The following TAFA2 variants were observed in gnomAD, a reference collection of about 807,000 sequenced individuals.
TAFA2 encodes TAFA chemokine like family member 2, also known as chemokine-like protein TAFA-2.
TAFA2 carries 7 observed loss-of-function variants against 18.8 expected under a neutral mutation model. The observed-to-expected ratio is 0.37, with a 90% confidence interval of 0.21 to 0.70. The LOEUF (loss-of-function observed/expected upper bound fraction) is 0.70. Among genes scored for constraint, TAFA2 ranks in the 30% least tolerant of loss-of-function variants. The probability of loss-of-function intolerance (pLI) is 0.53; values close to 1 mark genes in which losing one functional copy is unlikely to be tolerated. For synonymous variants in TAFA2, 60 were observed against 54.2 expected (o/e 1.11, Z -0.47); for missense variants, 122 against 158.1 (o/e 0.77, Z 1.23).
At chr12:62,126,482 A>T (rs1356359571) in intron 1 of TAFA2, among the ~76,000 whole-genome samples, 2 of 152,114 alleles carry the variant, frequency 1.3e-5, no homozygotes, top group African/African-American at 2.4e-5. Context: ...TTGTTTTCTC[A>T]CTAGGATAAT....
intron 1 of TAFA2, among the ~76,000 whole-genome samples, chr12:62,223,187 T>C (rs1197534171): frequency 2.6e-5 from 4 of 152,204 alleles, no homozygotes; most frequent in African/African-American, 4.8e-5. Flanking sequence ...ATGATTTATT[T>C]TGAGACAGGG....
chr12:61,975,535 G>GTGTGTGTGTGTGTA (rs1879401624), intron 1 of TAFA2, among the ~76,000 whole-genome samples: 1 of 151,430 alleles, frequency 6.6e-6, no homozygotes, highest in South Asian at 2.1e-4. Context: ...GTGTGTGTGT[G>GTGTGTGTGTGTGTA]TGTGTGTGTA....
chr12:61,990,430 C>G (rs1879966337), intron 1 of TAFA2, among the ~76,000 whole-genome samples: 1 of 146,816 alleles, frequency 6.8e-6, no homozygotes, highest in Admixed American at 7.0e-5. Context: ...AGCTCTGCCT[C>G]CCGGGTTCAC....
At chr12:61,974,415 G>A (rs1879359123) in intron 1 of TAFA2, among the ~76,000 whole-genome samples, 1 of 151,740 alleles carries the variant, frequency 6.6e-6, no homozygotes, top group Non-Finnish European at 1.5e-5. Flanking sequence ...AGTTCAGCAT[G>A]AATAAAATGT....
intron 1 of TAFA2, among the ~76,000 whole-genome samples, chr12:61,920,862 A>T (rs1176660668): frequency 1.3e-5 from 2 of 152,106 alleles, no homozygotes; most frequent in East Asian, 3.8e-4. Flanking sequence ...GAGAAAAAAA[A>T]AAGGAACAAG....
chr12:61,796,360 T>C (rs1871189945), intron 2 of TAFA2, among the ~76,000 whole-genome samples: 1 of 152,162 alleles, frequency 6.6e-6, no homozygotes, highest in South Asian at 2.1e-4. Context: ...ATGAACTATT[T>C]ATATTAGCAA....
rs12815221 is a variant in TAFA2, at chr12:61,847,000, T to G, written c.106+20320A>C. Among the ~76,000 whole-genome samples the G allele has an allele frequency of 1.5e-3, 221 of 152,110 alleles. 4 individuals are homozygous for G. The highest frequency in any genetic ancestry group is 5.1e-3 in the African/African-American group (212 of 41,508). On this transcript the variant is annotated intron_variant, in intron 2 of 4. Coordinates refer to ENST00000416284, the MANE Select transcript of TAFA2 (RefSeq NM_178539.5). Reference sequence around the variant, plus strand: ...CCCACACAGGTTCCTCATTCTTCTCTTAGCTGCCCTCCAACCAACTACACT... The same window carrying G: ...CCCACACAGGTTCCTCATTCTTCTCGTAGCTGCCCTCCAACCAACTACACT...
In TAFA2 at chr12:61,970,844, GA is replaced by G. The variant is rs200263425; in HGVS notation, c.-1-103419del. On this transcript the variant is annotated intron_variant, in intron 1 of 4. Transcript: ENST00000416284. ...AAATTCGAAAAGCATTTTAAGAAAT[GA>G]AAAAAAAAAAATACCTGGTCCTCAA... 3.4e-3 allele frequency among the ~76,000 whole-genome samples: 454 copies of G among 134,842 alleles called. 2 individuals are homozygous for G. Among genetic ancestry groups the G allele is most frequent in the African/African-American group, 8.4e-3 (311 of 37,138 alleles). The allele number at this position is 134,842 out of a possible 152,430, so 88.5% of individuals were successfully genotyped here. A position where few individuals can be genotyped will look rare whatever the true frequency, so the allele number is the denominator to read the frequency against.
chr12:62,002,165 G>A (rs530895531), intron 1 of TAFA2, among the ~76,000 whole-genome samples: 23 of 152,080 alleles, frequency 1.5e-4, no homozygotes, highest in Non-Finnish European at 2.6e-4. Context: ...GTTTCACTGC[G>A]TTTTCATATA....
chr12:62,200,436 G>T (rs754492765), intron 1 of TAFA2, among the ~76,000 whole-genome samples: 1 of 150,268 alleles, frequency 6.7e-6, no homozygotes, highest in South Asian at 2.1e-4. Flanking sequence ...TTTGTACAAG[G>T]TGTAAGGAAA....
At position 61,710,312 on chromosome 12, in the gene TAFA2, A is replaced by T; in HGVS notation, c.*94T>A. On this transcript the variant is annotated 3_prime_UTR_variant, in exon 5 of 5. Transcript: ENST00000416284. ...CTATTGAGCGCCTCTTTCAAGTGGT[A>T]TAAAAATCTTCAAGATCACCTCAGG... 1 of 1,181,514 alleles carries T rather than the reference A, an allele frequency of 8.5e-7. No individual in the cohort carries two copies. Among genetic ancestry groups the T allele is most frequent in the East Asian group, 2.3e-5 (1 of 42,760 alleles). The allele number at this position is 1,181,514 out of a possible 1,614,324, so 73.2% of individuals were successfully genotyped here. A position where few individuals can be genotyped will look rare whatever the true frequency, so the allele number is the denominator to read the frequency against.
At chr12:61,880,222 G>A in intron 1 of TAFA2, 1 of 492,892 alleles carries the variant, frequency 2.0e-6, no homozygotes, top group Non-Finnish European at 3.9e-6. Context: ...GGGATAACCT[G>A]AGGTGTACAA....
intron 1 of TAFA2, among the ~76,000 whole-genome samples, chr12:62,003,725 ATCTTAATCTGTCTTGTTC>A (rs1186998880): frequency 1.1e-4 from 17 of 152,352 alleles, no homozygotes; most frequent in African/African-American, 3.8e-4. Context: ...AGGCACAAAG[ATCTTAATCTGTCTTGTTC>A]TCTTATATAT....
intron 1 of TAFA2, among the ~76,000 whole-genome samples, chr12:62,084,383 C>T (rs979910136): frequency 2.0e-5 from 3 of 152,092 alleles, no homozygotes; most frequent in African/African-American, 7.2e-5. Context: ...AAGGTAGAGA[C>T]GTAACACAAA....
intron 2 of TAFA2, among the ~76,000 whole-genome samples, chr12:61,795,122 A>G (rs532856557): frequency 2.0e-5 from 3 of 152,288 alleles, no homozygotes; most frequent in South Asian, 2.1e-4. Flanking sequence ...ACACTTTTAC[A>G]CTGTTGGTGG....
At chr12:61,805,302 C>T (rs1210164799) in intron 2 of TAFA2, among the ~76,000 whole-genome samples, 2 of 151,972 alleles carry the variant, frequency 1.3e-5, no homozygotes, top group Non-Finnish European at 2.9e-5. Context: ...CAAACTGGTA[C>T]CTGATAGCAA....
intron 2 of TAFA2, among the ~76,000 whole-genome samples, chr12:61,829,306 T>G (rs1872632188): frequency 6.6e-6 from 1 of 151,776 alleles, no homozygotes; most frequent in South Asian, 2.1e-4. Flanking sequence ...TCTATTTTAA[T>G]GCCGTATCAG....
intron 2 of TAFA2, among the ~76,000 whole-genome samples, chr12:61,863,662 G>A (rs1874221425): frequency 6.6e-6 from 1 of 152,188 alleles, no homozygotes; most frequent in African/African-American, 2.4e-5. Context: ...TGGATCTGAG[G>A]GCTGTGAGGA....
At chr12:61,882,987 G>A (rs908143869) in intron 1 of TAFA2, among the ~76,000 whole-genome samples, 1 of 152,110 alleles carries the variant, frequency 6.6e-6, no homozygotes, top group Non-Finnish European at 1.5e-5. Flanking sequence ...CAAAGCCAAA[G>A]GTTCATCCTC....
Sources: allele counts gnomAD v4.1 joint callset (sites outside exome capture counted in the v4.1 genomes callset), GRCh38; gene constraint gnomAD v4.1.1; transcripts MANE v1.5; gene names NCBI Gene and HGNC (gene_info 2026-07-23, HGNC 2026-07-21).